The following ZFHX3 variants were observed in gnomAD, a reference collection of about 807,000 sequenced individuals.
The protein encoded by ZFHX3 is zinc finger homeobox protein 3.
ZFHX3 carries 42 observed loss-of-function variants against 279.1 expected under a neutral mutation model. The observed-to-expected ratio is 0.15, with a 90% CI of 0.12 to 0.19. The LOEUF is 0.19. Ranked by LOEUF, ZFHX3 falls within the 10% of genes least tolerant of loss-of-function variation. ZFHX3 has a pLI of 1.00. For synonymous variants in ZFHX3, 2,293 were observed against 1,957.8 expected (o/e 1.17, Z -4.52); for missense variants, 4,981 against 4,754.0 (o/e 1.05, Z -1.40).
chr16:73,512,451 G>GAAA (rs11455796), intron 2 of ZFHX3, among the ~76,000 whole-genome samples: 5 of 104,924 alleles, frequency 4.8e-5, no homozygotes, highest in Non-Finnish European at 5.7e-5. Flanking sequence ...CGTCTCAAAA[G>GAAA]AAAAAAAAAA....
chr16:73,492,939 A>G (rs2143649250), intron 2 of ZFHX3, among the ~76,000 whole-genome samples: 1 of 152,330 alleles, frequency 6.6e-6, no homozygotes, highest in Non-Finnish European at 1.5e-5. Flanking sequence ...TAGGTGCTCA[A>G]TAAATAAATA....
At chr16:73,194,975 T>C (rs1005433709) in intron 5 of ZFHX3, among the ~76,000 whole-genome samples, 3 of 152,194 alleles carry the variant, frequency 2.0e-5, no homozygotes, top group Non-Finnish European at 4.4e-5. Flanking sequence ...ATAGCAAACA[T>C]ACCCTTCGCT....
chr16:73,040,585 A>T (rs1214681524), intron 1 of ZFHX3, among the ~76,000 whole-genome samples: 1 of 152,156 alleles, frequency 6.6e-6, no homozygotes, highest in Non-Finnish European at 1.5e-5. Flanking sequence ...GGACACTGTA[A>T]CTATTTCAGA....
At chr16:73,782,020 C>T (rs1353689824) in intron 1 of ZFHX3, among the ~76,000 whole-genome samples, 1 of 152,040 alleles carries the variant, frequency 6.6e-6, no homozygotes, top group Non-Finnish European at 1.5e-5. Flanking sequence ...ACAAGGAAGG[C>T]TACCCTGGAA....
At chr16:72,884,290 G>A (rs758186516) in intron 4 of ZFHX3, among the ~76,000 whole-genome samples, 18 of 152,102 alleles carry the variant, frequency 1.2e-4, no homozygotes, top group Non-Finnish European at 1.6e-4. Flanking sequence ...CCAGAAATTC[G>A]CTACTATGAA....
chr16:73,264,802 T>C (rs984140483), intron 4 of ZFHX3, among the ~76,000 whole-genome samples: 3 of 152,104 alleles, frequency 2.0e-5, no homozygotes, highest in Non-Finnish European at 4.4e-5. Context: ...CCTCAGAGCT[T>C]AGCTCTCACT....
chr16:73,313,005 TG>T (rs2015360828), intron 4 of ZFHX3, among the ~76,000 whole-genome samples: 1 of 152,214 alleles, frequency 6.6e-6, no homozygotes, highest in Non-Finnish European at 1.5e-5. Flanking sequence ...AACCTCATGT[TG>T]AATTGTCATC....
intron 1 of ZFHX3, among the ~76,000 whole-genome samples, chr16:73,772,427 A>G (rs955513363): frequency 6.6e-6 from 1 of 152,182 alleles, no homozygotes; most frequent in Admixed American, 6.5e-5. Context: ...CGCGAACAGC[A>G]TGGGAAAGGC....
chr16:73,162,027 C>G (rs943731904), intron 5 of ZFHX3, among the ~76,000 whole-genome samples: 1 of 152,192 alleles, frequency 6.6e-6, no homozygotes, highest in African/African-American at 2.4e-5. Context: ...ATGACCAAAT[C>G]TCAGTTGGTG....
chr16:73,520,883 G>T (rs1285425427), intron 2 of ZFHX3, among the ~76,000 whole-genome samples: 1 of 152,312 alleles, frequency 6.6e-6, no homozygotes, highest in Non-Finnish European at 1.5e-5. Flanking sequence ...ACACCAAAGT[G>T]ATACTGATAA....
chr16:73,546,737 T>TGCTGCTGCTGC (rs1567515721), intron 2 of ZFHX3, among the ~76,000 whole-genome samples: 2 of 135,916 alleles, frequency 1.5e-5, no homozygotes, highest in South Asian at 4.8e-4. Flanking sequence ...GCTGCTGCTG[T>TGCTGCTGCTGC]TGCTTCTTTT....
chr16:73,739,250 G>C (rs766295374), intron 1 of ZFHX3, among the ~76,000 whole-genome samples: 1 of 152,158 alleles, frequency 6.6e-6, no homozygotes, highest in African/African-American at 2.4e-5. Flanking sequence ...ATAATTTTCT[G>C]TCTGGACTGT....
chr16:73,109,102 G>A (rs1352532161), intron 7 of ZFHX3, among the ~76,000 whole-genome samples: 1 of 152,262 alleles, frequency 6.6e-6, no homozygotes, highest in Non-Finnish European at 1.5e-5. Flanking sequence ...GAGCTGGGTG[G>A]TCTTTCCGCA....
intron 3 of ZFHX3, among the ~76,000 whole-genome samples, chr16:72,892,992 T>C (rs1012533065): frequency 6.6e-6 from 1 of 151,802 alleles, no homozygotes; most frequent in African/African-American, 2.4e-5. Flanking sequence ...CCCCAACTAC[T>C]CCCCGAGGCC....
At chr16:73,776,453 T>C (rs929981032) in intron 1 of ZFHX3, among the ~76,000 whole-genome samples, 9 of 152,068 alleles carry the variant, frequency 5.9e-5, no homozygotes, top group Non-Finnish European at 1.2e-4. Context: ...TCAAATAATT[T>C]AGATCTTTAA....
chr16:73,457,132 C>T, intron 2 of ZFHX3, among the ~76,000 whole-genome samples: 1 of 152,220 alleles, frequency 6.6e-6, no homozygotes, highest in Non-Finnish European at 1.5e-5. Context: ...CCCTTTCCTG[C>T]ACCACCTCCC....
intron 7 of ZFHX3, among the ~76,000 whole-genome samples, chr16:73,117,336 C>T (rs1030019407): frequency 6.6e-6 from 1 of 152,122 alleles, no homozygotes; most frequent in Non-Finnish European, 1.5e-5. Context: ...TAAATACATA[C>T]CAATATGCAC....
At chr16:72,915,897 T>G (rs1227077245) in intron 3 of ZFHX3, among the ~76,000 whole-genome samples, 1 of 152,244 alleles carries the variant, frequency 6.6e-6, no homozygotes. Context: ...CAACGCCCAT[T>G]CTAAGAATCA....
At position 72,811,793 on chromosome 16, in the gene ZFHX3, C is replaced by T. The variant is rs780802673; in HGVS notation, c.3664-16G>A. On this transcript the variant is annotated splice_polypyrimidine_tract_variant and intron_variant, in intron 6 of 9. Transcript: ENST00000268489. ...ACTGGTACATCTGTGGGGAACACAC[C>T]CACTGCTTTGAGCAACTGTGTGTGC... 3 of 1,609,490 alleles carry T rather than the reference C, an allele frequency of 1.9e-6. No individual in the cohort carries two copies. Among genetic ancestry groups the T allele is most frequent in the African/African-American group, 1.3e-5 (1 of 74,860 alleles).
Sources: gnomAD v4.1 joint callset for allele counts (sites outside exome capture counted in the v4.1 genomes callset) on GRCh38, gnomAD v4.1.1 for gene constraint, MANE v1.5 for transcripts, NCBI Gene and HGNC (gene_info 2026-07-23, HGNC 2026-07-21) for gene names.